Variants in LINGO2 observed in about 807,000 individuals in gnomAD.
LINGO2 encodes the protein leucine-rich repeat and immunoglobulin-like domain-containing nogo receptor-interacting protein 2.
In LINGO2, 14 loss-of-function variants were observed where a neutral mutation model predicts 30.6. The observed-to-expected ratio is 0.46, with a 90% CI of 0.30 to 0.72. LINGO2 has a LOEUF of 0.72. Ranked by LOEUF, LINGO2 falls within the 30% of genes least tolerant of loss-of-function variation. The probability of loss-of-function intolerance (pLI) is 0.07; values close to 1 mark genes in which losing one functional copy is unlikely to be tolerated. For synonymous variants in LINGO2, 317 were observed against 288.5 expected (o/e 1.10, Z -1.00); for missense variants, 729 against 751.7 (o/e 0.97, Z 0.35).
chr9:28,069,292 G>C (rs1338549818), intron 4 of LINGO2, among the ~76,000 whole-genome samples: 1 of 152,074 alleles, frequency 6.6e-6, no homozygotes, highest in Non-Finnish European at 1.5e-5. Flanking sequence ...TAAGGGCCTA[G>C]AATAGATACT....
the LINGO2 span, among the ~76,000 whole-genome samples, chr9:28,846,368 G>A: frequency 1.3e-5 from 2 of 151,430 alleles, no homozygotes; most frequent in Admixed American, 6.6e-5. Context: ...GCCAAGTTGG[G>A]ATTAATTTAT....
intron 4 of LINGO2, among the ~76,000 whole-genome samples, chr9:28,030,366 G>C (rs372657875): frequency 8.1e-4 from 123 of 152,174 alleles, no homozygotes; most frequent in African/African-American, 2.6e-3. Context: ...AAGTTGTGTT[G>C]ACTAACAAGT....
intron 4 of LINGO2, among the ~76,000 whole-genome samples, chr9:28,160,922 C>A (rs770943342): frequency 4.6e-5 from 7 of 152,142 alleles, no homozygotes; most frequent in Non-Finnish European, 1.0e-4. Flanking sequence ...CCCTTCTTAG[C>A]ATTTGGGACA....
intron 3 of LINGO2, among the ~76,000 whole-genome samples, chr9:28,319,215 AG>A (rs1221920019): frequency 2.6e-5 from 4 of 152,300 alleles, no homozygotes; most frequent in African/African-American, 2.4e-5. Flanking sequence ...AGATTTCAAA[AG>A]TAATAGGGAT....
the LINGO2 span, among the ~76,000 whole-genome samples, chr9:29,102,006 A>AT: frequency 6.6e-6 from 1 of 152,066 alleles, no homozygotes; most frequent in African/African-American, 2.4e-5. Flanking sequence ...TTATAAAAGT[A>AT]TTTAAGTCAT....
At position 28,147,818 on chromosome 9, in the gene LINGO2, C is replaced by T. The variant is rs543899110; in HGVS notation, c.-86-135413G>A. ...CTTTGACTCCTCTTGTAGGCACCCT[C>T]GCTGGGCTCCTAAGCACTCCTCCAC... On this transcript the variant is annotated intron_variant, in intron 4 of 5. Coordinates refer to ENST00000379992, the Ensembl canonical transcript of LINGO2. This position sits in a 1 kb window ranked among gnomAD's most constrained non-coding sequence, Gnocchi z 4.7. Among the ~76,000 whole-genome samples, 49 of 152,244 alleles carry T rather than the reference C, an allele frequency of 3.2e-4. No homozygotes were observed. The highest frequency in any genetic ancestry group is 3.9e-4 in the East Asian group (2 of 5,140).
the LINGO2 span, among the ~76,000 whole-genome samples, chr9:28,677,820 T>C: frequency 1.3e-5 from 2 of 152,110 alleles, no homozygotes; most frequent in Admixed American, 1.3e-4. Flanking sequence ...AGGATAGTAA[T>C]TCTAATGGTA....
chr9:28,313,634 G>T (rs1490797825), intron 3 of LINGO2, among the ~76,000 whole-genome samples: 2 of 152,112 alleles, frequency 1.3e-5, no homozygotes, highest in African/African-American at 4.8e-5. Flanking sequence ...GATTCTCTCA[G>T]AATCACCCTC....
At chr9:28,646,417 A>G (rs530691460) in intron 1 of LINGO2, among the ~76,000 whole-genome samples, 6 of 152,112 alleles carry the variant, frequency 3.9e-5, no homozygotes, top group African/African-American at 1.4e-4. Flanking sequence ...TGGAACCTCA[A>G]ATAACATGCT....
At chr9:28,389,984 C>A (rs1821758434) in intron 2 of LINGO2, among the ~76,000 whole-genome samples, 1 of 152,124 alleles carries the variant, frequency 6.6e-6, no homozygotes, top group Non-Finnish European at 1.5e-5. Context: ...TGGATTTGGA[C>A]TACTCCTAAA....
At chr9:28,925,338 G>A in the LINGO2 span, among the ~76,000 whole-genome samples, 10 of 152,238 alleles carry the variant, frequency 6.6e-5, 1 homozygote, top group African/African-American at 2.2e-4. Flanking sequence ...CATGACTAAC[G>A]ATAGGAGTTT....
At chr9:28,747,219 G>A in the LINGO2 span, among the ~76,000 whole-genome samples, 1 of 151,932 alleles carries the variant, frequency 6.6e-6, no homozygotes, top group African/African-American at 2.4e-5. Context: ...AGAGAGAAGA[G>A]AAGGAACGTT....
intron 1 of LINGO2, among the ~76,000 whole-genome samples, chr9:28,515,466 A>T (rs1034381950): frequency 6.6e-6 from 1 of 152,178 alleles, no homozygotes; most frequent in South Asian, 2.1e-4. Context: ...TCGGCCTCCC[A>T]AAGTGCCGGG....
chr9:28,684,709 G>A, the LINGO2 span, among the ~76,000 whole-genome samples: 1 of 151,710 alleles, frequency 6.6e-6, no homozygotes, highest in South Asian at 2.1e-4. Context: ...AGTAGAGACA[G>A]GGTTTCACCA....
At chr9:28,658,221 TA>T (rs1385565525) in intron 1 of LINGO2, among the ~76,000 whole-genome samples, 1 of 152,068 alleles carries the variant, frequency 6.6e-6, no homozygotes, top group Admixed American at 6.6e-5. Context: ...TGTATTCTCC[TA>T]TTGTTGGGCA....
At chr9:28,472,623 G>A (rs143191715) in intron 2 of LINGO2, among the ~76,000 whole-genome samples, 20 of 151,780 alleles carry the variant, frequency 1.3e-4, no homozygotes, top group African/African-American at 3.6e-4. Flanking sequence ...TCTTCAACAA[G>A]TTTTTTTTCC....
rs146725079 is a variant in LINGO2 at position 27,950,513 on chromosome 9, C to G, written c.159G>C (p.Glu53Asp). 4.4e-5 allele frequency: 70 copies of G among 1,585,110 alleles called. No homozygotes were observed. Among genetic ancestry groups the G allele is most frequent in the Non-Finnish European group, 5.8e-5 (67 of 1,164,398 alleles). ...AGATTTTGGTTTCGATGGGAATGCC[C>G]TCTGGGATGGCGATCAATCGCCTTC... Residue 53 changes from glutamate (E) to aspartate (D), a missense_variant, in exon 6 of 6, where the codon GAG (glutamate) becomes GAC (aspartate). By Grantham distance (45) the Glu-to-Asp change is conservative. Transcript: ENST00000379992.
chr9:28,426,527 T>C (rs1823420001), intron 2 of LINGO2, among the ~76,000 whole-genome samples: 1 of 152,076 alleles, frequency 6.6e-6, no homozygotes, highest in Non-Finnish European at 1.5e-5. Context: ...AGAAAAGCAA[T>C]CAAAACATTG....
the LINGO2 span, among the ~76,000 whole-genome samples, chr9:28,856,896 G>A: frequency 6.6e-6 from 1 of 151,990 alleles, no homozygotes; most frequent in African/African-American, 2.4e-5. Context: ...ATGGATTTAA[G>A]ATATGTAGTA....
Sources: allele counts gnomAD v4.1 joint callset (sites outside exome capture counted in the v4.1 genomes callset), GRCh38; gene constraint gnomAD v4.1.1; non-coding constraint Gnocchi (gnomAD v3.1); transcripts MANE v1.5; gene names NCBI Gene and HGNC (gene_info 2026-07-23, HGNC 2026-07-21).